Variants in TIAM1 observed in about 807,000 individuals in gnomAD.
TIAM1 encodes rho guanine nucleotide exchange factor TIAM1.
Under a neutral mutation model 163.5 loss-of-function variants are expected in TIAM1, and 65 were observed. That is an observed-to-expected ratio of 0.40 (90% CI 0.33 to 0.49). The LOEUF (loss-of-function observed/expected upper bound fraction) is 0.49. TIAM1 is among the 20% of genes least tolerant of loss of function. The pLI, the probability that TIAM1 is intolerant of heterozygous loss-of-function variation, is 0.77. For missense variants in TIAM1, 1,789 were observed against 2,044.7 expected, an observed-to-expected ratio of 0.87 and a Z score of 2.41; for synonymous variants, 833 against 810.1, an observed-to-expected ratio of 1.03 and a Z score of -0.48.
chr21:31,264,255 GT>G (rs2072638708), intron 4 of TIAM1, among the ~76,000 whole-genome samples: 3 of 152,032 alleles, frequency 2.0e-5, no homozygotes, highest in Middle Eastern at 3.2e-3. Flanking sequence ...CCAATAATTC[GT>G]TTTTCAACTC....
intron 2 of TIAM1, among the ~76,000 whole-genome samples, chr21:31,352,620 G>A (rs1163694757): frequency 6.7e-6 from 1 of 150,354 alleles, no homozygotes; most frequent in Non-Finnish European, 1.5e-5. Flanking sequence ...GGGAAGCCGA[G>A]GTGGGCGGAT....
chr21:31,225,288 G>A lies in TIAM1; in HGVS notation c.1809+438C>T, dbSNP rs1044978356. Among the ~76,000 whole-genome samples the A allele has an allele frequency of 3.3e-5, 5 of 152,098 alleles. No individual in the cohort carries two copies. In the South Asian group the frequency reaches 8.3e-4, roughly 25 times the overall value. On this transcript the variant is annotated intron_variant, in intron 7 of 27. Transcript: ENST00000541036. ...AGTGCTGGGATTACAGGCATGAGCC[G>A]CCACACCTGGCCAGATATATATTTT...
At chr21:31,207,467 A>AT (rs2086511583) in intron 11 of TIAM1, among the ~76,000 whole-genome samples, 3 of 152,116 alleles carry the variant, frequency 2.0e-5, no homozygotes, top group African/African-American at 7.2e-5. Flanking sequence ...AAAGACAGGC[A>AT]TTTTTACAAT....
chr21:31,523,285 T>C (rs1602485747), intron 1 of TIAM1, among the ~76,000 whole-genome samples: 1 of 152,234 alleles, frequency 6.6e-6, no homozygotes, highest in South Asian at 2.1e-4. Context: ...ATGAACTGAA[T>C]AGTTCAATGC....
At chr21:31,442,235 T>A (rs7281393) in intron 2 of TIAM1, among the ~76,000 whole-genome samples, 1 of 142,786 alleles carries the variant, frequency 7.0e-6, no homozygotes, top group African/African-American at 2.6e-5. Flanking sequence ...GTAGGGAGTT[T>A]TTTTTTTTTT....
At chr21:31,441,179 T>A (rs1393412207) in intron 2 of TIAM1, among the ~76,000 whole-genome samples, 1 of 152,224 alleles carries the variant, frequency 6.6e-6, no homozygotes, top group East Asian at 1.9e-4. Context: ...TAGAGGGAAA[T>A]GCTTGCCTTT....
chr21:31,174,333 A>G (rs2084663241), intron 15 of TIAM1, among the ~76,000 whole-genome samples: 1 of 152,210 alleles, frequency 6.6e-6, no homozygotes, highest in South Asian at 2.1e-4. Context: ...GGTGCCTTCG[A>G]CTTTCACGGC....
At position 31,363,485 on chromosome 21, in the gene TIAM1, T is replaced by C. The variant is rs140370413; in HGVS notation, c.-368-24063A>G. The stretch of plus-strand genomic sequence containing the variant: ...GCAGGGGTAAGAAGCAGAGAAGATC[T>C]GCTCCTGTGATCCACAACACTCCTC... On this transcript the variant is annotated intron_variant, in intron 2 of 28. Coordinates refer to the TIAM1 transcript ENST00000286827. Among the ~76,000 whole-genome samples, 25 of 152,236 alleles carry C rather than the reference T, an allele frequency of 1.6e-4. No homozygotes were observed. The East Asian group carries it at 4.7e-3, about 28-fold the overall frequency.
chr21:31,493,851 C>T (rs895390216), intron 1 of TIAM1, among the ~76,000 whole-genome samples: 2 of 152,066 alleles, frequency 1.3e-5, no homozygotes, highest in Admixed American at 6.6e-5. Flanking sequence ...GTGGGTAGAG[C>T]GTAGACAGCT....
rs1569033924 is a variant in TIAM1, at chr21:31,210,729, GAGAAAGAA to G, written c.2218-522_2218-515del. ...AGAGAAAGAAAGAGAAAGAAAGAAA[GAGAAAGAA>G]GGAAGGAAGGGAGAAAGAAAGAAAG... On this transcript the variant is annotated intron_variant, in intron 10 of 27. Transcript: ENST00000541036. Among the ~76,000 whole-genome samples, 33 of 90,880 alleles carry G rather than the reference GAGAAAGAA, an allele frequency of 3.6e-4. 3 individuals carry two copies. The highest frequency in any genetic ancestry group is 2.1e-3 in the African/African-American group (31 of 14,844). 59.6% of individuals were successfully genotyped at this position (90,880 alleles called of 152,430 possible).
At chr21:31,377,058 T>A (rs1202534713) in intron 2 of TIAM1, among the ~76,000 whole-genome samples, 3 of 141,758 alleles carry the variant, frequency 2.1e-5, no homozygotes, top group East Asian at 2.0e-4. Context: ...TTTTTTTTTT[T>A]AGTAGACACA....
At chr21:31,153,869 T>C (rs1274674638) in intron 17 of TIAM1, among the ~76,000 whole-genome samples, 3 of 150,520 alleles carry the variant, frequency 2.0e-5, no homozygotes, top group Non-Finnish European at 4.4e-5. Context: ...GAAACCAGCA[T>C]GGGCAACATG....
chr21:31,317,895 G>T (rs964892662), intron 2 of TIAM1, among the ~76,000 whole-genome samples: 1 of 152,124 alleles, frequency 6.6e-6, no homozygotes, highest in Admixed American at 6.5e-5. Flanking sequence ...ACAACTATAG[G>T]TCTTATTCAT....
chr21:31,380,106 T>C (rs2076752748), intron 2 of TIAM1, among the ~76,000 whole-genome samples: 1 of 151,854 alleles, frequency 6.6e-6, no homozygotes, highest in African/African-American at 2.4e-5. Context: ...CTACTAAAAA[T>C]ACAAAAAATT....
chr21:31,130,660 C>T (rs1171035882), intron 24 of TIAM1, among the ~76,000 whole-genome samples: 1 of 152,130 alleles, frequency 6.6e-6, no homozygotes, highest in Non-Finnish European at 1.5e-5. Flanking sequence ...CCAATTGAGT[C>T]CAGTTGGTTC....
At chr21:31,421,368 C>G (rs1228603651) in intron 2 of TIAM1, among the ~76,000 whole-genome samples, 1 of 152,128 alleles carries the variant, frequency 6.6e-6, no homozygotes, top group Non-Finnish European at 1.5e-5. Flanking sequence ...CCCTAACCCT[C>G]GGGCTGCTGA....
intron 20 of TIAM1, among the ~76,000 whole-genome samples, chr21:31,142,398 A>G (rs1200220267): frequency 6.8e-6 from 1 of 147,942 alleles, no homozygotes; most frequent in Non-Finnish European, 1.5e-5. Context: ...CGAGCGGATC[A>G]CTTGAGGTCA....
At position 31,119,527 on chromosome 21, in the gene TIAM1, G is replaced by A. The variant is rs1240461002; in HGVS notation, c.*841C>T. ...GTATATCCTTCGCATGAGCTTGCTGGCCTTTCATATATAAATATAAAACCA... is the reference window on the plus strand; with the variant it reads ...GTATATCCTTCGCATGAGCTTGCTGACCTTTCATATATAAATATAAAACCA... On this transcript the variant is annotated 3_prime_UTR_variant, in exon 28 of 28. Coordinates refer to ENST00000541036, the MANE Select transcript of TIAM1 (RefSeq NM_001353694.2). 4 of 152,128 alleles carry A rather than the reference G, an allele frequency of 2.6e-5. No homozygotes were observed. Among genetic ancestry groups the A allele is most frequent in the Non-Finnish European group, 5.9e-5 (4 of 67,988 alleles). 9.4% of individuals were successfully genotyped at this position (152,128 alleles called of 1,614,324 possible).
intron 2 of TIAM1, among the ~76,000 whole-genome samples, chr21:31,454,092 C>T (rs1288455936): frequency 1.3e-5 from 2 of 152,200 alleles, no homozygotes; most frequent in African/African-American, 2.4e-5. Context: ...GTACTTTTAT[C>T]CAGACCATTT....
Sources: gnomAD v4.1 joint callset for allele counts (sites outside exome capture counted in the v4.1 genomes callset) on GRCh38, gnomAD v4.1.1 for gene constraint, MANE v1.5 for transcripts, NCBI Gene and HGNC (gene_info 2026-07-23, HGNC 2026-07-21) for gene names.